VCL: variants seen among roughly 807,000 people sequenced by gnomAD.
VCL encodes vinculin, also known as epididymis luminal protein 114.
Under a neutral mutation model 125.7 loss-of-function variants are expected in VCL, and 47 were observed. The observed-to-expected ratio is 0.37, with a 90% CI of 0.30 to 0.48. The LOEUF is 0.48. Among genes scored for constraint, VCL ranks in the 20% least tolerant of loss-of-function variants. VCL has a pLI of 0.99. For synonymous variants in VCL, 458 were observed against 514.6 expected (o/e 0.89, Z 1.49); for missense variants, 1,069 against 1,455.5 (o/e 0.73, Z 4.32).
At chr10:74,081,242 G>C (rs1038367160) in intron 6 of VCL, among the ~76,000 whole-genome samples, 1 of 152,214 alleles carries the variant, frequency 6.6e-6, no homozygotes, top group Non-Finnish European at 1.5e-5. Flanking sequence ...TTTAGAAGGG[G>C]AAGGAGGGAT....
intron 21 of VCL, among the ~76,000 whole-genome samples, 177 bp from the exon 22 acceptor site, chr10:74,117,846 G>A (rs571314813): frequency 1.3e-5 from 2 of 152,296 alleles, no homozygotes; most frequent in South Asian, 4.1e-4. Flanking sequence ...TACAATCAGC[G>A]ATGGCCAGTT....
At chr10:74,087,800 A>AC (rs1839812137) in intron 8 of VCL, among the ~76,000 whole-genome samples, 1 of 150,368 alleles carries the variant, frequency 6.7e-6, no homozygotes, top group Non-Finnish European at 1.5e-5. Flanking sequence ...ACAGTGTGAA[A>AC]CCCCGTCTCT....
At position 74,097,167 on chromosome 10, in the gene VCL, T is replaced by C. The variant is rs747236035; in HGVS notation, c.1744-37T>C. 2.5e-6 allele frequency: 4 copies of C among 1,609,874 alleles called. No homozygotes were observed. Among genetic ancestry groups the C allele is most frequent in the Non-Finnish European group, 2.5e-6 (3 of 1,178,292 alleles). On this transcript the variant is annotated intron_variant, in intron 12 of 21. Coordinates refer to ENST00000211998, the MANE Select transcript of VCL (RefSeq NM_014000.3). The surrounding 1 kb of genome is among the most constrained non-coding windows in gnomAD (Gnocchi z 4.1). ...CATTAGTAGATATGCTTTGAGGATG[T>C]ATCTGGACATTTTCATATGTAAACA...
intron 2 of VCL, among the ~76,000 whole-genome samples, chr10:74,067,221 T>C (rs141671520): frequency 2.6e-5 from 4 of 152,176 alleles, no homozygotes; most frequent in African/African-American, 9.6e-5. Flanking sequence ...ACAACCTAAT[T>C]GAAAAATGGG....
intron 1 of VCL, among the ~76,000 whole-genome samples, chr10:74,032,913 C>A (rs1250134358): frequency 6.6e-6 from 1 of 151,998 alleles, no homozygotes; most frequent in African/African-American, 2.4e-5. Flanking sequence ...GAAGTTGGAA[C>A]CCTCTCATGT....
intron 2 of VCL, among the ~76,000 whole-genome samples, chr10:74,045,047 G>T (rs1414896656): frequency 6.6e-6 from 1 of 151,912 alleles, no homozygotes; most frequent in Non-Finnish European, 1.5e-5. Flanking sequence ...GGTGTGAGCC[G>T]ATAGTCCCAG....
intron 19 of VCL, among the ~76,000 whole-genome samples, chr10:74,112,637 C>T (rs1840245357): frequency 6.6e-6 from 1 of 151,844 alleles, no homozygotes; most frequent in South Asian, 2.1e-4. Context: ...TGGGAGTCCA[C>T]AGAAAATGGG....
Position 73,998,131 on chromosome 10 carries a change from T to A in VCL, c.-77T>A. 4 of 1,565,914 alleles carry A rather than the reference T, an allele frequency of 2.6e-6. No individual in the cohort carries two copies. Among genetic ancestry groups the A allele is most frequent in the Middle Eastern group, 1.7e-4 (1 of 6,008 alleles). ...CCGACTCCGTAGTCGCTGCACAGTC[T>A]GTCTCTTCGCCGGTTCCCGGCCCCG... is the stretch of plus-strand genomic sequence containing the variant. On this transcript the variant is annotated 5_prime_UTR_variant, in exon 1 of 22. Coordinates refer to ENST00000211998, the MANE Select transcript of VCL (RefSeq NM_014000.3).
intron 1 of VCL, among the ~76,000 whole-genome samples, chr10:74,023,394 C>CT (rs1840710035): frequency 6.6e-6 from 1 of 152,196 alleles, no homozygotes; most frequent in Non-Finnish European, 1.5e-5. Context: ...TAAGTATACT[C>CT]TATGATGTTC....
At chr10:74,080,295 A>C (rs1367029127) in intron 6 of VCL, among the ~76,000 whole-genome samples, 1 of 151,608 alleles carries the variant, frequency 6.6e-6, no homozygotes, top group East Asian at 1.9e-4. Flanking sequence ...ATCTTTAGCA[A>C]CTCTCCTTGG....
rs750937217 is a variant in VCL at position 73,998,288 on chromosome 10, C to CG, written c.82dup (p.Glu28GlyfsTer12). The CG allele has an allele frequency of 6.2e-7, 1 of 1,604,596 alleles. No homozygotes were observed. Among genetic ancestry groups the CG allele is most frequent in the South Asian group, 1.1e-5 (1 of 89,654 alleles). ...AGATCTCCCACCTGGTGATAATGCA[C>CG]GAGGAGGGCGAGGTGGACGGCAAAG... On this transcript the variant is annotated frameshift_variant, in exon 1 of 22. Transcript: ENST00000211998. LOFTEE classifies it high-confidence loss of function.
At position 74,074,108 on chromosome 10, in the gene VCL, C is replaced by T. The variant is rs779913355; in HGVS notation, c.623-635C>T. Among the ~76,000 whole-genome samples, 13 of 150,656 alleles carry T rather than the reference C, an allele frequency of 8.6e-5. No individual in the cohort carries two copies. The East Asian group carries it at 1.5e-3, about 18-fold the overall frequency. ...AAAATTAGCCAGGATTGGTGGCAGA[C>T]GGCTATAATCCCAGCTACTCAGGAG... is the stretch of plus-strand genomic sequence containing the variant. On this transcript the variant is annotated intron_variant, in intron 5 of 21. Coordinates refer to ENST00000211998, the MANE Select transcript of VCL (RefSeq NM_014000.3).
chr10:74,042,246 C>T (rs974012292), intron 1 of VCL, among the ~76,000 whole-genome samples: 7 of 152,114 alleles, frequency 4.6e-5, no homozygotes, highest in African/African-American at 1.7e-4. Context: ...AACGATATAT[C>T]TTAATTTACT....
At chr10:74,024,559 T>C (rs1033780454) in intron 1 of VCL, among the ~76,000 whole-genome samples, 4 of 150,736 alleles carry the variant, frequency 2.7e-5, no homozygotes, top group Non-Finnish European at 5.9e-5. Context: ...TGCAGTGAGC[T>C]GAGATTGCAC....
rs1840094833 is a variant in VCL, at chr10:74,103,907, G to A, written c.2110G>A (p.Asp704Asn). ...TGAGACCATGAAGAACCAGTGGATC[G>A]ATAATGTTGAAAAAATGACAGGTAG... The part of the protein sequence containing the change: ...HFETMKNQWI[D>N]NVEKMTGLVD... Residue 704 changes from aspartate to asparagine, a missense_variant, in exon 15 of 22, where the codon GAT (aspartate) becomes AAT (asparagine). Coordinates refer to ENST00000211998, the MANE Select transcript of VCL (RefSeq NM_014000.3). 6.2e-7 allele frequency: 1 copy of A among 1,613,990 alleles called. No individual in the cohort carries two copies. The highest frequency in any genetic ancestry group is 1.1e-5 in the South Asian group (1 of 91,074).
intron 1 of VCL, among the ~76,000 whole-genome samples, chr10:74,014,707 A>C (rs1840504799): frequency 6.6e-6 from 1 of 150,978 alleles, no homozygotes; most frequent in African/African-American, 2.4e-5. Flanking sequence ...CAGCCAATTT[A>C]GTTTTGAGAC....
Position 74,083,372 on chromosome 10 carries a change from C to A in VCL, c.881C>A (p.Ala294Asp), listed in dbSNP as rs1156266096. 1 of 1,613,920 alleles carries A rather than the reference C, an allele frequency of 6.2e-7. No individual in the cohort carries two copies. Among genetic ancestry groups the A allele is most frequent in the East Asian group, 2.2e-5 (1 of 44,876 alleles). Residue 294 changes from alanine to aspartate, a missense_variant, in exon 8 of 22, where the codon GCT (alanine) becomes GAT (aspartate). Coordinates refer to ENST00000211998, the MANE Select transcript of VCL (RefSeq NM_014000.3). ...LRDPSASPGD[A>D]GEQAIRQILD... ...GAATATCTCTTTATTTTAGGGGATG[C>A]TGGTGAGCAGGCCATCAGACAGATC...
chr10:74,077,401 ACTCTACCG>A (rs112780265), intron 6 of VCL: 9,582 of 154,422 alleles, frequency 0.062, 1,032 homozygotes, highest in African/African-American at 0.22. Flanking sequence ...GTTCCCATCC[ACTCTACCG>A]CTCCTCACCC....
chr10:74,085,286 C>G (rs1417596282), intron 8 of VCL, among the ~76,000 whole-genome samples: 1 of 152,130 alleles, frequency 6.6e-6, no homozygotes, highest in East Asian at 1.9e-4. Flanking sequence ...ATTTACTAGC[C>G]ATAGGCTTAT....
Sources: gnomAD v4.1 joint callset for allele counts (sites outside exome capture counted in the v4.1 genomes callset) on GRCh38, gnomAD v4.1.1 for gene constraint, Gnocchi (gnomAD v3.1) non-coding constraint, MANE v1.5 for transcripts, NCBI Gene and HGNC (gene_info 2026-07-23, HGNC 2026-07-21) for gene names.